SLC35F2: variants seen among roughly 807,000 people sequenced by gnomAD.
The protein encoded by SLC35F2 is solute carrier family 35 member F2, also known as queuine/queuosine transporter SLC35F2.
SLC35F2 carries 25 observed loss-of-function variants against 38.1 expected under a neutral mutation model. That is an observed-to-expected ratio of 0.66 (90% CI 0.48 to 0.92). The LOEUF (loss-of-function observed/expected upper bound fraction) is 0.92, where lower values mean the gene tolerates loss of function less well. Among genes scored for constraint, SLC35F2 ranks in the 40% least tolerant of loss-of-function variants. SLC35F2 has a pLI of 0.00. For missense variants in SLC35F2, 409 were observed against 452.9 expected, an observed-to-expected ratio of 0.90 and a Z score of 0.88; for synonymous variants, 173 against 181.7, an observed-to-expected ratio of 0.95 and a Z score of 0.38.
chr11:107,846,929 C>CAAAAA (rs34711328), intron 1 of SLC35F2, among the ~76,000 whole-genome samples: 2 of 136,778 alleles, frequency 1.5e-5, no homozygotes, highest in South Asian at 2.4e-4. Flanking sequence ...GACTCTGTCT[C>CAAAAA]AAAAAAAAAA....
chr11:107,843,893 ATATATATATATATATG>A (rs1565440782), intron 1 of SLC35F2, among the ~76,000 whole-genome samples: 4 of 127,470 alleles, frequency 3.1e-5, no homozygotes, highest in African/African-American at 1.2e-4. Context: ...ATATATATAT[ATATATATATATATATG>A]TATATTAATT....
chr11:107,805,203 AAG>A lies in SLC35F2; in HGVS notation c.731+154_731+155del, dbSNP rs1292785933. On this transcript the variant is annotated intron_variant, in intron 5 of 7. Coordinates refer to ENST00000525815, the MANE Select transcript of SLC35F2 (RefSeq NM_017515.5). The stretch of plus-strand genomic sequence containing the variant: ...AACAATCCTCTAGTAGACACTCAGC[AAG>A]TTATTAGGTAATGGCAAAACCACAA... The A allele has an allele frequency of 6.2e-6, 6 of 973,638 alleles. No homozygotes were observed. The African/African-American group carries it at 1.1e-4, about 17-fold the overall frequency. The allele number at this position is 973,638 out of a possible 1,614,324, so 60.3% of individuals were successfully genotyped here.
intron 1 of SLC35F2, among the ~76,000 whole-genome samples, chr11:107,847,092 C>T (rs1860113564): frequency 6.6e-6 from 1 of 152,090 alleles, no homozygotes; most frequent in Admixed American, 6.6e-5. Flanking sequence ...ACCCTGTCGC[C>T]CAGGCTAGAG....
chr11:107,793,859 GGA>G (rs1859173487), intron 7 of SLC35F2, among the ~76,000 whole-genome samples: 1 of 152,034 alleles, frequency 6.6e-6, no homozygotes, highest in Non-Finnish European at 1.5e-5. Context: ...AAGTATGGAT[GGA>G]GTTTTTGGTG....
In SLC35F2 at chr11:107,841,177, G is replaced by A. The variant is rs141748354; in HGVS notation, c.110+17481C>T. ...AGTCTCAGGTGGGATCTTTAAATCC[G>A]TTAAGTTGCAATGTGTATAGAGCAA... On this transcript the variant is annotated intron_variant, in intron 1 of 7. Transcript: ENST00000525815. Among the ~76,000 whole-genome samples, 277 of 152,276 alleles carry A rather than the reference G, an allele frequency of 1.8e-3. 1 individual carries two copies. The highest frequency in any genetic ancestry group is 3.7e-3 in the Admixed American group (57 of 15,286).
chr11:107,852,362 C>T (rs1274114559), intron 1 of SLC35F2, among the ~76,000 whole-genome samples: 2 of 151,766 alleles, frequency 1.3e-5, no homozygotes, highest in Non-Finnish European at 2.9e-5. Flanking sequence ...TCAGCCTGGC[C>T]AACATGGTGA....
chr11:107,803,155 G>T lies in SLC35F2; in HGVS notation c.785C>A (p.Ala262Asp), dbSNP rs372483128. The change falls in exon 7 of 8, where the codon GCC (alanine) becomes GAC (aspartate). Residue 262 changes from alanine (A) to aspartate (D), a missense_variant and splice_region_variant. Coordinates refer to ENST00000525815, the MANE Select transcript of SLC35F2 (RefSeq NM_017515.5). ...IASIHWDWKI[A>D]LLFVAFALCM... ...CAGGGCAAATGCCACGAACAGCAGG[G>T]CTGTGGAAAAAAACATGGAATATCT... The T allele has an allele frequency of 6.3e-7, 1 of 1,595,546 alleles. No homozygotes were observed. Among genetic ancestry groups the T allele is most frequent in the Non-Finnish European group, 8.5e-7 (1 of 1,174,334 alleles).
rs77580000 is a variant in SLC35F2, at chr11:107,815,949, T to C, written c.127A>G (p.Ile43Val). The C allele has an allele frequency of 5.0e-3, 8,009 of 1,609,204 alleles. 305 individuals are homozygous for C. The African/African-American group carries it at 0.089, about 18-fold the overall frequency. The change falls in exon 2 of 8, where the codon ATT (isoleucine) becomes GTT (valine). Residue 43 changes from isoleucine (I) to valine (V), a missense_variant. Transcript: ENST00000525815. ...AAGGACAACATCTGACCCAGGGCAA[T>C]TGTTTTCAAAATATTCCTAGAAAAT... Reference protein sequence around the residue: ...KLFTWNILKTIALGQMLSLCI... With the variant: ...KLFTWNILKTVALGQMLSLCI...
intron 6 of SLC35F2, chr11:107,803,632 G>A (rs10502100): frequency 0.078 from 33,935 of 432,902 alleles, 3,107 homozygotes; most frequent in East Asian, 0.41. Context: ...TAGGTCCATT[G>A]TATTTTGTTC....
chr11:107,851,040 G>A (rs12279326), intron 1 of SLC35F2, among the ~76,000 whole-genome samples: 2,582 of 150,804 alleles, frequency 0.017, 62 homozygotes, highest in African/African-American at 0.06. Context: ...TAAGGTGGGC[G>A]GATCACAAGG....
In SLC35F2 at chr11:107,815,975, A is replaced by T; in HGVS notation, c.111-10T>A. 1.2e-6 allele frequency: 2 copies of T among 1,610,122 alleles called. No individual in the cohort carries two copies. The highest frequency in any genetic ancestry group is 1.7e-6 in the Non-Finnish European group (2 of 1,178,182). On this transcript the variant is annotated splice_polypyrimidine_tract_variant and intron_variant, in intron 1 of 7. Coordinates refer to ENST00000525815, the MANE Select transcript of SLC35F2 (RefSeq NM_017515.5). ...TGTTTTCAAAATATTCCTAGAAAATAAGGGAAGAAATCAGAACAGCATGCA... is the reference window on the plus strand; with the variant it reads ...TGTTTTCAAAATATTCCTAGAAAATTAGGGAAGAAATCAGAACAGCATGCA...
chr11:107,810,332 A>G, intron 3 of SLC35F2: 1 of 985,240 alleles, frequency 1.0e-6, no homozygotes, highest in Non-Finnish European at 1.2e-6. Flanking sequence ...AGTCGCAACT[A>G]TCCAACTGTA....
At chr11:107,845,643 T>C (rs1478243809) in intron 1 of SLC35F2, among the ~76,000 whole-genome samples, 6 of 151,932 alleles carry the variant, frequency 3.9e-5, no homozygotes, top group Non-Finnish European at 8.8e-5. Flanking sequence ...ACATCACTTG[T>C]TGGATGGCTT....
intron 1 of SLC35F2, among the ~76,000 whole-genome samples, chr11:107,837,268 T>C (rs533972517): frequency 1.3e-5 from 2 of 152,180 alleles, no homozygotes; most frequent in Non-Finnish European, 2.9e-5. Flanking sequence ...TACAACACTA[T>C]ATATGTATCA....
intron 3 of SLC35F2, chr11:107,810,167 A>C: frequency 2.0e-6 from 2 of 985,456 alleles, no homozygotes; most frequent in Non-Finnish European, 2.4e-6. Flanking sequence ...TGCTGGAGAA[A>C]ACATTACCTT....
intron 1 of SLC35F2, among the ~76,000 whole-genome samples, chr11:107,843,863 A>G (rs1860055155): frequency 3.0e-5 from 1 of 33,762 alleles, no homozygotes; most frequent in Non-Finnish European, 5.6e-5. Flanking sequence ...AAAAAAAAAA[A>G]AAAAAATATA....
chr11:107,817,328 G>A (rs1413996090), intron 1 of SLC35F2, among the ~76,000 whole-genome samples: 1 of 152,062 alleles, frequency 6.6e-6, no homozygotes, highest in Non-Finnish European at 1.5e-5. Flanking sequence ...AGCTGGACGG[G>A]AAAGACTCAT....
chr11:107,856,626 G>A (rs1860285220), intron 1 of SLC35F2, among the ~76,000 whole-genome samples: 1 of 152,120 alleles, frequency 6.6e-6, no homozygotes, highest in Admixed American at 6.5e-5. Context: ...GAACCCGAAA[G>A]GTTGAGGTTG....
rs189479559 is a variant in SLC35F2, at chr11:107,815,329, C to G, written c.286+461G>C. On this transcript the variant is annotated intron_variant, in intron 2 of 7. Transcript: ENST00000525815. ...CTTTGGGAGGCTGAGGTGGGCAGAT[C>G]ACTTGAGCCCAGGAGTTAGAGACCA... 3.0e-3 allele frequency among the ~76,000 whole-genome samples: 454 copies of G among 150,546 alleles called. 5 individuals are homozygous for G. Among genetic ancestry groups the G allele is most frequent in the African/African-American group, 0.011 (432 of 40,944 alleles).
Sources: allele counts gnomAD v4.1 joint callset (sites outside exome capture counted in the v4.1 genomes callset), GRCh38; gene constraint gnomAD v4.1.1; transcripts MANE v1.5; gene names NCBI Gene and HGNC (gene_info 2026-07-23, HGNC 2026-07-21).